Variants in EFHD1 observed in about 807,000 individuals in gnomAD.
EFHD1 encodes the protein EF-hand domain family member D1.
Under a neutral mutation model 17.2 loss-of-function variants are expected in EFHD1, and 10 were observed. The ratio of observed to expected loss-of-function variants is 0.58; its 90% CI spans 0.36 to 0.99. EFHD1 has a LOEUF of 0.99. EFHD1 is among the 50% of genes least tolerant of loss of function. EFHD1 has a pLI of 0.01. For missense variants in EFHD1, 310 were observed against 327.5 expected (o/e 0.95, Z 0.41); for synonymous variants, 153 against 142.0 (o/e 1.08, Z -0.55).
intron 1 of EFHD1, chr2:232,606,429 C>A: frequency 1.7e-6 from 1 of 590,452 alleles, no homozygotes; most frequent in Non-Finnish European, 3.0e-6. Flanking sequence ...TGCAGCAATC[C>A]CAGGGTGTGC....
intron 1 of EFHD1, among the ~76,000 whole-genome samples, chr2:232,625,511 AGGATGG>A (rs1694091012): frequency 6.6e-6 from 1 of 152,212 alleles, no homozygotes; most frequent in South Asian, 2.1e-4. Flanking sequence ...AAAGCCGCTT[AGGATGG>A]GAGTCTACCC....
intron 1 of EFHD1, among the ~76,000 whole-genome samples, chr2:232,639,948 T>C (rs1694397030): frequency 6.6e-6 from 1 of 152,170 alleles, no homozygotes; most frequent in Non-Finnish European, 1.5e-5. Context: ...TGTCGCGGAC[T>C]CACCTGTCGT....
At chr2:232,663,965 T>A (rs1383210234) in intron 2 of EFHD1, among the ~76,000 whole-genome samples, 1 of 151,966 alleles carries the variant, frequency 6.6e-6, no homozygotes, top group Non-Finnish European at 1.5e-5. Flanking sequence ...GCTAATTTTT[T>A]AAAATTTTTG....
intron 1 of EFHD1, among the ~76,000 whole-genome samples, chr2:232,647,643 C>CTTTTTTTTTTTTTTTTT (rs79776217): frequency 7.1e-6 from 1 of 141,558 alleles, no homozygotes; most frequent in African/African-American, 2.7e-5. Context: ...CCTGTTAGAA[C>CTTTTTTTTTTTTTTTTT]TTTTTTTTTT....
intron 1 of EFHD1, among the ~76,000 whole-genome samples, chr2:232,637,269 A>C (rs553821642): frequency 6.0e-5 from 9 of 151,210 alleles, no homozygotes; most frequent in African/African-American, 2.2e-4. Context: ...GTATGGGCGC[A>C]TCACCGTAAT....
chr2:232,648,360 C>T (rs1574718045), intron 1 of EFHD1, among the ~76,000 whole-genome samples: 1 of 152,120 alleles, frequency 6.6e-6, no homozygotes, highest in African/African-American at 2.4e-5. Context: ...GCCTGCCCAC[C>T]CTCAGTCTGC....
rs1694262265 is a variant in EFHD1, at chr2:232,633,978, A to T, written c.274A>T (p.Ile92Phe). 6.3e-7 allele frequency: 1 copy of T among 1,597,526 alleles called. No individual in the cohort carries two copies. Among genetic ancestry groups the T allele is most frequent in the Non-Finnish European group, 8.5e-7 (1 of 1,179,182 alleles). ...TEFPEFSRRL[I>F]KDLESMFKLY... Reference sequence around the variant, plus strand: ...GTTCCCGGAGTTCAGCCGCCGCCTCATCAAGGACCTGGAGAGCATGTTCAA... The same window carrying T: ...GTTCCCGGAGTTCAGCCGCCGCCTCTTCAAGGACCTGGAGAGCATGTTCAA... The change falls in exon 1 of 4, where the codon ATC (isoleucine) becomes TTC (phenylalanine). Residue 92 changes from isoleucine to phenylalanine, a missense_variant. By Grantham distance (21) the Ile-to-Phe change is conservative. Coordinates refer to ENST00000264059, the MANE Select transcript of EFHD1 (RefSeq NM_025202.4).
intron 1 of EFHD1, among the ~76,000 whole-genome samples, chr2:232,652,296 C>T (rs145225092): frequency 8.2e-4 from 125 of 152,314 alleles, no homozygotes; most frequent in Non-Finnish European, 1.2e-3. Flanking sequence ...TTTCTGTCTA[C>T]ATCTGGAGAG....
intron 1 of EFHD1, among the ~76,000 whole-genome samples, chr2:232,636,962 C>T (rs780824727): frequency 1.1e-4 from 16 of 152,118 alleles, no homozygotes; most frequent in East Asian, 1.9e-4. Flanking sequence ...TGGTGAGTTC[C>T]GGGTCCCCGT....
Position 232,633,910 on chromosome 2 carries a change from C to G in EFHD1, c.206C>G (p.Ala69Gly). The G allele has an allele frequency of 1.3e-6, 2 of 1,582,832 alleles. No homozygotes were observed. Among genetic ancestry groups the G allele is most frequent in the East Asian group, 2.4e-5 (1 of 42,126 alleles). The change falls in exon 1 of 4, where the codon GCT (alanine) becomes GGT (glycine). Residue 69 changes from alanine to glycine, a missense_variant. Physicochemically the swap from Ala to Gly is moderately conservative, Grantham distance 60. Coordinates refer to ENST00000264059, the MANE Select transcript of EFHD1 (RefSeq NM_025202.4). ...LSRRLDINEG[A>G]ARPRRCRVFN... ...CGGCGGCTGGACATCAACGAGGGCG[C>G]TGCGCGGCCCCGGCGCTGCAGGGTC...
intron 2 of EFHD1, among the ~76,000 whole-genome samples, chr2:232,667,317 G>A (rs1694985197): frequency 1.3e-5 from 2 of 152,170 alleles, no homozygotes; most frequent in South Asian, 2.1e-4. Context: ...TTTTGAAATT[G>A]GGGCTGAAGT....
chr2:232,632,535 T>TAA (rs1253040570), upstream of EFHD1, among the ~76,000 whole-genome samples: 1 of 152,222 alleles, frequency 6.6e-6, no homozygotes, highest in African/African-American at 2.4e-5. Context: ...GACGACTGTA[T>TAA]TTGTTTTTAC....
At chr2:232,674,161 C>T (rs1310012545) in intron 3 of EFHD1, among the ~76,000 whole-genome samples, 1 of 152,218 alleles carries the variant, frequency 6.6e-6, no homozygotes, top group Non-Finnish European at 1.5e-5. Context: ...CCTGCCTCCA[C>T]CTCCCAAAAT....
upstream of EFHD1, among the ~76,000 whole-genome samples, chr2:232,631,803 A>G (rs953896656): frequency 2.6e-5 from 4 of 151,756 alleles, no homozygotes; most frequent in African/African-American, 9.7e-5. Flanking sequence ...GGAGTTCACA[A>G]CCAGCCTAGC....
At chr2:232,681,356 TG>T (rs1404673539) in intron 3 of EFHD1, among the ~76,000 whole-genome samples, 1 of 151,824 alleles carries the variant, frequency 6.6e-6, no homozygotes, top group African/African-American at 2.4e-5. Flanking sequence ...AAGAAGCACA[TG>T]GGGGCACAGC....
chr2:232,614,066 A>ACACACATACATATACACACATGCG (rs1553594271), intron 1 of EFHD1, among the ~76,000 whole-genome samples: 2 of 152,048 alleles, frequency 1.3e-5, no homozygotes. Flanking sequence ...ATACACATGC[A>ACACACATACATATACACACATGCG]CACACATTAT....
At chr2:232,629,965 TTTGTTTGA>T (rs1694174767), upstream of EFHD1, among the ~76,000 whole-genome samples, 1 of 151,950 alleles carries the variant, frequency 6.6e-6, no homozygotes, top group Non-Finnish European at 1.5e-5. Context: ...TGTTTGTTTG[TTTGTTTGA>T]GACAGGGTCT....
At chr2:232,668,787 C>G (rs1019550909) in intron 2 of EFHD1, among the ~76,000 whole-genome samples, 1 of 152,092 alleles carries the variant, frequency 6.6e-6, no homozygotes, top group Non-Finnish European at 1.5e-5. Flanking sequence ...TTGTGTACCA[C>G]CATGCCCGGC....
At chr2:232,651,287 C>G (rs992112947) in intron 1 of EFHD1, among the ~76,000 whole-genome samples, 2 of 152,236 alleles carry the variant, frequency 1.3e-5, no homozygotes, top group Non-Finnish European at 2.9e-5. Context: ...TCCCTTTCTA[C>G]ATGGCTGGAT....
Sources: gnomAD v4.1 joint callset for allele counts (sites outside exome capture counted in the v4.1 genomes callset) on GRCh38, gnomAD v4.1.1 for gene constraint, MANE v1.5 for transcripts, NCBI Gene and HGNC (gene_info 2026-07-23, HGNC 2026-07-21) for gene names.